The following SEM1 variants were observed in gnomAD, a reference collection of about 807,000 sequenced individuals.
SEM1 encodes SEM1 26S proteasome subunit.
In SEM1, 3 loss-of-function variants were observed where a neutral mutation model predicts 12.7. The ratio of observed to expected loss-of-function variants is 0.24; its 90% CI spans 0.11 to 0.61. The LOEUF (loss-of-function observed/expected upper bound fraction) is 0.61, where lower values mean the gene tolerates loss of function less well. Among genes scored for constraint, SEM1 ranks in the 20% least tolerant of loss-of-function variants. SEM1 has a pLI of 0.88. For synonymous variants in SEM1, 30 were observed against 27.8 expected (o/e 1.08, Z -0.25); for missense variants, 59 against 81.3 (o/e 0.73, Z 1.06).
intron 2 of SEM1, chr7:96,558,008 C>G (rs962571047): frequency 6.5e-6 from 1 of 153,812 alleles, no homozygotes; most frequent in Admixed American, 6.5e-5. Flanking sequence ...TGACCCCTTG[C>G]GCTTCCCAAG....
intron 2 of SEM1, among the ~76,000 whole-genome samples, chr7:96,585,646 C>G (rs1447474580): frequency 6.6e-6 from 1 of 152,236 alleles, no homozygotes; most frequent in Non-Finnish European, 1.5e-5. Flanking sequence ...CCCTCCGAGC[C>G]AGGTGCGGGA....
chr7:96,659,301 T>C (rs1218039075), intron 2 of SEM1, among the ~76,000 whole-genome samples: 1 of 152,140 alleles, frequency 6.6e-6, no homozygotes, highest in East Asian at 1.9e-4. Flanking sequence ...GTAGGCTCCT[T>C]ATAGCAATAA....
rs1805868556 is a variant in SEM1, at chr7:96,567,221, CTTCAA to C, written c.171-60528_171-60524del. On this transcript the variant is annotated intron_variant and NMD_transcript_variant, in intron 2 of 3. Transcript: ENST00000466986. ...CAATAAAAGGTATATCATTATATTT[CTTCAA>C]TTCTTGTTTTATCCTTCATTCTTTT... 2.0e-5 allele frequency among the ~76,000 whole-genome samples: 3 copies of C among 151,524 alleles called. No individual in the cohort carries two copies. The South Asian group carries it at 6.2e-4, about 31-fold the overall frequency.
At chr7:96,638,483 T>G (rs1407895247) in intron 2 of SEM1, among the ~76,000 whole-genome samples, 2 of 151,972 alleles carry the variant, frequency 1.3e-5, no homozygotes, top group African/African-American at 2.4e-5. Context: ...ATAAATGCAT[T>G]TGTGATAAAC....
At chr7:96,637,838 T>C (rs1808476261) in intron 2 of SEM1, among the ~76,000 whole-genome samples, 1 of 151,988 alleles carries the variant, frequency 6.6e-6, no homozygotes, top group African/African-American at 2.4e-5. Flanking sequence ...TTCTGATTCC[T>C]GATATGCACC....
chr7:96,608,989 A>G (rs528055446), intron 2 of SEM1, among the ~76,000 whole-genome samples: 25 of 152,314 alleles, frequency 1.6e-4, no homozygotes, highest in African/African-American at 5.5e-4. Flanking sequence ...TAAATACCCA[A>G]TCGTATTTAA....
Position 96,492,585 on chromosome 7 carries a change from ATTTTTTTTTTTTTT to A in SEM1, c.12+3685_12+3698del, listed in dbSNP as rs59252542. Among the ~76,000 whole-genome samples the A allele has an allele frequency of 2.6e-4, 21 of 79,674 alleles. No individual in the cohort carries two copies. The East Asian group carries it at 3.1e-3, about 12-fold the overall frequency. 52.3% of individuals were successfully genotyped at this position (79,674 alleles called of 152,430 possible). ...CCACCATGCCCGACTAATTTTTTGT[ATTTTTTTTTTTTTT>A]TTTTTTTTTTTTGTAGAGACAAGGT... On this transcript the variant is annotated intron_variant, in intron 1 of 3. Coordinates refer to the SEM1 transcript ENST00000356686.
downstream of SEM1, among the ~76,000 whole-genome samples, chr7:96,618,446 G>A (rs1034622119): frequency 1.3e-5 from 2 of 152,066 alleles, no homozygotes; most frequent in Non-Finnish European, 2.9e-5. Flanking sequence ...GGCTTGGGAA[G>A]TTTTCATCAA....
At chr7:96,674,375 T>C (rs757704890) in intron 2 of SEM1, among the ~76,000 whole-genome samples, 3 of 152,092 alleles carry the variant, frequency 2.0e-5, no homozygotes, top group Non-Finnish European at 4.4e-5. Context: ...GTATACAGGC[T>C]GGGTGCGGTG....
At chr7:96,612,489 A>C (rs1345954186) in intron 2 of SEM1, among the ~76,000 whole-genome samples, 3 of 152,188 alleles carry the variant, frequency 2.0e-5, no homozygotes, top group African/African-American at 7.2e-5. Context: ...CATCTAGTAA[A>C]AGGTTCCCAA....
chr7:96,677,837 T>C (rs971586498), intron 2 of SEM1, among the ~76,000 whole-genome samples: 5 of 152,134 alleles, frequency 3.3e-5, no homozygotes, highest in African/African-American at 9.7e-5. Context: ...ATTAGCAACC[T>C]AAATGACAAT....
chr7:96,500,918 TC>T (rs1032883654), upstream of SEM1, among the ~76,000 whole-genome samples: 2 of 152,154 alleles, frequency 1.3e-5, no homozygotes, highest in African/African-American at 4.8e-5. Context: ...AAAATCTGGA[TC>T]TTGTTCTTAC....
At chr7:96,592,030 G>A (rs1017584177) in intron 2 of SEM1, among the ~76,000 whole-genome samples, 14 of 152,042 alleles carry the variant, frequency 9.2e-5, no homozygotes, top group African/African-American at 3.1e-4. Flanking sequence ...AAATAAAGAG[G>A]TGCTGACAAG....
intron 2 of SEM1, among the ~76,000 whole-genome samples, chr7:96,525,006 G>A (rs1229071107): frequency 6.6e-6 from 1 of 152,054 alleles, no homozygotes; most frequent in Non-Finnish European, 1.5e-5. Context: ...TTGCTCAACA[G>A]CCACAGACTG....
intron 2 of SEM1, among the ~76,000 whole-genome samples, chr7:96,573,134 T>C (rs1403278689): frequency 6.6e-6 from 1 of 151,480 alleles, no homozygotes; most frequent in Non-Finnish European, 1.5e-5. Flanking sequence ...TCTTTCCATT[T>C]GCTTGGTAAA....
intron 2 of SEM1, among the ~76,000 whole-genome samples, chr7:96,599,083 A>G (rs1807102835): frequency 6.6e-6 from 1 of 152,228 alleles, no homozygotes; most frequent in South Asian, 2.1e-4. Flanking sequence ...AAGGAAGGGA[A>G]GGAAAAAGGA....
chr7:96,683,189 T>C (rs1417933749), intron 2 of SEM1, among the ~76,000 whole-genome samples: 3 of 148,966 alleles, frequency 2.0e-5, no homozygotes, highest in Non-Finnish European at 3.0e-5. Flanking sequence ...GAAACAAGGA[T>C]ATAGAACTAG....
At chr7:96,525,614 G>T (rs1469783260) in intron 2 of SEM1, among the ~76,000 whole-genome samples, 5 of 152,008 alleles carry the variant, frequency 3.3e-5, no homozygotes, top group Admixed American at 2.6e-4. Context: ...GGTAGGGCTT[G>T]GACCTTAGTA....
chr7:96,511,792 C>T (rs1303368430), intron 2 of SEM1, among the ~76,000 whole-genome samples: 1 of 151,844 alleles, frequency 6.6e-6, no homozygotes, highest in Non-Finnish European at 1.5e-5. Flanking sequence ...TTTTGATTGC[C>T]TCTCACTGGG....
Sources: allele counts gnomAD v4.1 joint callset (sites outside exome capture counted in the v4.1 genomes callset), GRCh38; gene constraint gnomAD v4.1.1; transcripts MANE v1.5; gene names NCBI Gene and HGNC (gene_info 2026-07-23, HGNC 2026-07-21).